DSCAM: variants seen among roughly 807,000 people sequenced by gnomAD.
DSCAM encodes cell adhesion molecule DSCAM.
DSCAM carries 47 observed loss-of-function variants against 217.7 expected under a neutral mutation model. The ratio of observed to expected loss-of-function variants is 0.22; its 90% CI spans 0.17 to 0.28. The LOEUF (loss-of-function observed/expected upper bound fraction) is 0.28, where lower values mean the gene tolerates loss of function less well. Ranked by LOEUF, DSCAM falls within the 10% of genes least tolerant of loss-of-function variation. The probability of loss-of-function intolerance (pLI) is 1.00; values close to 1 mark genes in which losing one functional copy is unlikely to be tolerated. For synonymous variants in DSCAM, 1,056 were observed against 1,015.3 expected (o/e 1.04, Z -0.76); for missense variants, 2,080 against 2,618.3 (o/e 0.79, Z 4.49).
At chr21:40,763,758 T>G (rs1294993344) in intron 1 of DSCAM, among the ~76,000 whole-genome samples, 1 of 152,050 alleles carries the variant, frequency 6.6e-6, no homozygotes, top group Non-Finnish European at 1.5e-5. Context: ...TATAGACCAA[T>G]GGAACAGAAC....
chr21:40,374,793 C>T (rs772907380), intron 3 of DSCAM, among the ~76,000 whole-genome samples: 12 of 152,160 alleles, frequency 7.9e-5, no homozygotes, highest in Admixed American at 2.0e-4. Context: ...AGTGAGAAGG[C>T]GGCTGTCTGC....
chr21:40,214,269 C>T (rs1157732252), intron 11 of DSCAM, among the ~76,000 whole-genome samples: 1 of 152,170 alleles, frequency 6.6e-6, no homozygotes, highest in Non-Finnish European at 1.5e-5. Context: ...ACGTGGGAGC[C>T]TGTGTTCTAA....
intron 1 of DSCAM, among the ~76,000 whole-genome samples, chr21:40,829,862 G>A (rs1345640268): frequency 2.0e-5 from 3 of 152,172 alleles, no homozygotes; most frequent in Non-Finnish European, 4.4e-5. Flanking sequence ...TCTCAGGAAT[G>A]AGCTGAGATT....
intron 1 of DSCAM, among the ~76,000 whole-genome samples, chr21:40,831,384 G>T (rs2092010927): frequency 6.6e-6 from 1 of 152,188 alleles, no homozygotes; most frequent in South Asian, 2.1e-4. Flanking sequence ...GAAATGTCTA[G>T]GCAGTATTTT....
At chr21:40,526,321 A>G (rs758026927) in intron 3 of DSCAM, among the ~76,000 whole-genome samples, 5 of 152,142 alleles carry the variant, frequency 3.3e-5, no homozygotes, top group Non-Finnish European at 5.9e-5. Context: ...AATATTGTTC[A>G]TGCCTTGTTT....
Position 40,266,810 on chromosome 21 carries a change from ACACC to A in DSCAM, c.2356+9283_2356+9286del, listed in dbSNP as rs1278200620. On this transcript the variant is annotated intron_variant, in intron 11 of 32. Transcript: ENST00000400454. ...TATATATATATATATACACACACAC[ACACC>A]CCCACACACATCGTGAAGTACTACT... 3.0e-4 allele frequency among the ~76,000 whole-genome samples: 43 copies of A among 145,116 alleles called. 1 individual carries two copies. Among genetic ancestry groups the A allele is most frequent in the African/African-American group, 1.0e-3 (39 of 39,184 alleles).
chr21:40,422,624 A>G (rs1240410282), intron 3 of DSCAM, among the ~76,000 whole-genome samples: 2 of 152,198 alleles, frequency 1.3e-5, no homozygotes, highest in South Asian at 4.1e-4. Context: ...CCTGGGTGAT[A>G]GAGTGAGACT....
chr21:40,560,986 C>T (rs546693469), intron 3 of DSCAM, among the ~76,000 whole-genome samples: 7 of 152,282 alleles, frequency 4.6e-5, no homozygotes, highest in Admixed American at 2.0e-4. Context: ...CAGAAAACAA[C>T]TTGAGGGTGT....
intron 5 of DSCAM, among the ~76,000 whole-genome samples, chr21:40,348,400 T>C (rs1209624327): frequency 6.6e-6 from 1 of 151,454 alleles, no homozygotes; most frequent in Non-Finnish European, 1.5e-5. Flanking sequence ...ATTGCAATCA[T>C]ACCCTAGAGA....
intron 3 of DSCAM, among the ~76,000 whole-genome samples, chr21:40,545,048 A>C (rs546805082): frequency 6.6e-6 from 1 of 152,222 alleles, no homozygotes; most frequent in South Asian, 2.1e-4. Context: ...GACTTTTGAG[A>C]GGTGATTAGG....
intron 8 of DSCAM, among the ~76,000 whole-genome samples, chr21:40,335,263 C>T (rs1252473044): frequency 3.3e-5 from 5 of 152,072 alleles, no homozygotes; most frequent in African/African-American, 4.8e-5. Flanking sequence ...TAATATTTTC[C>T]TTCTTTTGTT....
intron 3 of DSCAM, among the ~76,000 whole-genome samples, chr21:40,640,199 G>A (rs1307231817): frequency 8.5e-6 from 1 of 117,608 alleles, no homozygotes; most frequent in Non-Finnish European, 2.0e-5. Flanking sequence ...AGAAAACTAT[G>A]GGAAGGTGGG....
chr21:40,491,934 C>G (rs149101492), intron 3 of DSCAM, among the ~76,000 whole-genome samples: 1 of 152,152 alleles, frequency 6.6e-6, no homozygotes, highest in African/African-American at 2.4e-5. Context: ...ACATGCTACA[C>G]ATAACATTTG....
intron 20 of DSCAM, among the ~76,000 whole-genome samples, chr21:40,116,631 G>A (rs2089973340): frequency 1.3e-5 from 2 of 151,556 alleles, no homozygotes; most frequent in African/African-American, 2.4e-5. Flanking sequence ...GTGCGTAAAT[G>A]GAATACAATT....
chr21:40,503,340 G>A (rs1353566389), intron 3 of DSCAM, among the ~76,000 whole-genome samples: 1 of 152,212 alleles, frequency 6.6e-6, no homozygotes, highest in East Asian at 1.9e-4. Flanking sequence ...TACCAGATGA[G>A]TATCAGCCTA....
At chr21:40,649,220 T>C (rs62223649) in intron 3 of DSCAM, among the ~76,000 whole-genome samples, 57,937 of 152,030 alleles carry the variant, frequency 0.38, 11,874 homozygotes, top group East Asian at 0.6. Context: ...TAAAAGACCA[T>C]TGTCTTGGTC....
chr21:40,200,268 T>C (rs2091056665), intron 11 of DSCAM, among the ~76,000 whole-genome samples: 1 of 152,110 alleles, frequency 6.6e-6, no homozygotes, highest in Non-Finnish European at 1.5e-5. Flanking sequence ...CTTCCCAACC[T>C]GAAACTTGGC....
chr21:40,302,852 G>A (rs1054904556), intron 9 of DSCAM, among the ~76,000 whole-genome samples: 1 of 152,198 alleles, frequency 6.6e-6, no homozygotes. Flanking sequence ...CTTATTTTGT[G>A]TGTGTTGGTG....
chr21:40,600,687 T>G (rs1568930922), intron 3 of DSCAM, among the ~76,000 whole-genome samples: 1 of 152,130 alleles, frequency 6.6e-6, no homozygotes, highest in Non-Finnish European at 1.5e-5. Flanking sequence ...CAATTTTGAG[T>G]TTTTTTGTTG....
Sources: gnomAD v4.1 joint callset for allele counts (sites outside exome capture counted in the v4.1 genomes callset) on GRCh38, gnomAD v4.1.1 for gene constraint, MANE v1.5 for transcripts, NCBI Gene and HGNC (gene_info 2026-07-23, HGNC 2026-07-21) for gene names.